CAB39: variants seen among roughly 807,000 people sequenced by gnomAD.
The protein encoded by CAB39 is calcium binding protein 39, also known as calcium-binding protein 39.
CAB39 carries 8 observed loss-of-function variants against 40.0 expected under a neutral mutation model. The observed-to-expected ratio is 0.20, with a 90% CI of 0.12 to 0.36. The LOEUF (loss-of-function observed/expected upper bound fraction) is 0.36, where lower values mean the gene tolerates loss of function less well. Ranked by LOEUF, CAB39 falls within the 10% of genes least tolerant of loss-of-function variation. The probability of loss-of-function intolerance (pLI) is 1.00; values close to 1 mark genes in which losing one functional copy is unlikely to be tolerated. For synonymous variants in CAB39, 156 were observed against 141.6 expected, an observed-to-expected ratio of 1.10 and a Z score of -0.72; for missense variants, 270 against 401.1, an observed-to-expected ratio of 0.67 and a Z score of 2.79.
intron 1 of CAB39, among the ~76,000 whole-genome samples, chr2:230,750,220 T>TA (rs1695061890): frequency 6.6e-6 from 1 of 152,224 alleles, no homozygotes; most frequent in South Asian, 2.1e-4. Flanking sequence ...TGGGAGGAGA[T>TA]ATCTTTAAGA....
At chr2:230,807,133 C>T (rs1456207877) in intron 5 of CAB39, among the ~76,000 whole-genome samples, 2 of 152,266 alleles carry the variant, frequency 1.3e-5, no homozygotes, top group Non-Finnish European at 2.9e-5. Context: ...CTCTGCTGGT[C>T]TGGGGTCACA....
intron 2 of CAB39, among the ~76,000 whole-genome samples, chr2:230,775,449 T>C (rs1310911456): frequency 6.6e-6 from 1 of 152,088 alleles, no homozygotes; most frequent in Non-Finnish European, 1.5e-5. Context: ...TTGACCAGGA[T>C]GGTCTTGATC....
At chr2:230,750,715 A>G (rs977474237) in intron 1 of CAB39, among the ~76,000 whole-genome samples, 3 of 152,246 alleles carry the variant, frequency 2.0e-5, no homozygotes, top group African/African-American at 4.8e-5. Context: ...GTAGGCTTAA[A>G]TAGAACAATA....
intron 5 of CAB39, among the ~76,000 whole-genome samples, chr2:230,809,790 T>C (rs1433148508): frequency 6.6e-6 from 1 of 152,236 alleles, no homozygotes; most frequent in East Asian, 1.9e-4. Flanking sequence ...TGAATGTGAT[T>C]GAACTTAGGA....
At chr2:230,798,962 T>G (rs1488182041) in intron 5 of CAB39, 65 bp downstream of exon 5, 10 of 1,244,628 alleles carry the variant, frequency 8.0e-6, no homozygotes, top group Non-Finnish European at 1.1e-5. Context: ...TTCTAAACCT[T>G]CATTGCCCTC....
chr2:230,776,745 C>T (rs948147975), intron 2 of CAB39, among the ~76,000 whole-genome samples: 1 of 151,864 alleles, frequency 6.6e-6, no homozygotes. Context: ...GGCTGGCATG[C>T]GGTGGCACGA....
intron 1 of CAB39, among the ~76,000 whole-genome samples, chr2:230,724,054 C>A (rs1694504907): frequency 6.6e-6 from 1 of 151,704 alleles, no homozygotes; most frequent in African/African-American, 2.4e-5. Flanking sequence ...TGAGACCAGC[C>A]TGGGCAACAT....
intron 8 of CAB39, 187 bp from the exon 9 acceptor site, chr2:230,818,329 A>G: frequency 1.8e-6 from 1 of 563,048 alleles, no homozygotes; most frequent in South Asian, 2.5e-5. Flanking sequence ...TATTTGTGTT[A>G]AAACATGTAA....
chr2:230,768,541 C>T (rs1015359045), intron 2 of CAB39, among the ~76,000 whole-genome samples: 4 of 152,214 alleles, frequency 2.6e-5, no homozygotes, highest in Middle Eastern at 3.4e-3. Context: ...CAAGTCTAAG[C>T]TGACATTCAT....
chr2:230,736,438 A>G (rs1039895142), intron 1 of CAB39, among the ~76,000 whole-genome samples: 15 of 152,194 alleles, frequency 9.9e-5, no homozygotes, highest in East Asian at 3.8e-4. Context: ...ATAAAAAGCA[A>G]TGGAAAAAGT....
chr2:230,754,527 TC>T (rs1234437469), intron 1 of CAB39, among the ~76,000 whole-genome samples: 1 of 149,232 alleles, frequency 6.7e-6, no homozygotes, highest in Admixed American at 6.7e-5. Context: ...CTCCTCCTCT[TC>T]CCCCCTCCTC....
rs1037685596 is a variant in CAB39 at position 230,818,922 on chromosome 2, C to T, written c.*218C>T. On this transcript the variant is annotated 3_prime_UTR_variant, in exon 9 of 9. Transcript: ENST00000258418. The stretch of plus-strand genomic sequence containing the variant: ...GTGGGCTTTCTCTTGATCTTTGTGT[C>T]ATTTCAGAATTCAAAGACTGTGCTA... 1 of 463,044 alleles carries T rather than the reference C, an allele frequency of 2.2e-6. No homozygotes were observed. The highest frequency in any genetic ancestry group is 3.9e-6 in the Non-Finnish European group (1 of 254,044). 28.7% of individuals were successfully genotyped at this position (463,044 alleles called of 1,614,324 possible). A position where few individuals can be genotyped will look rare whatever the true frequency, so the allele number is the denominator to read the frequency against.
chr2:230,796,284 ATGC>A (rs992017502), intron 4 of CAB39, among the ~76,000 whole-genome samples: 8 of 152,242 alleles, frequency 5.3e-5, no homozygotes, highest in African/African-American at 1.9e-4. Flanking sequence ...TTGCGGGGCC[ATGC>A]TGCTAATACT....
intron 2 of CAB39, among the ~76,000 whole-genome samples, chr2:230,769,435 C>T (rs941563116): frequency 1.3e-5 from 2 of 152,156 alleles, no homozygotes; most frequent in Non-Finnish European, 2.9e-5. Context: ...ATAGAACACT[C>T]AACAACTGTG....
intron 1 of CAB39, chr2:230,713,552 G>C (rs922559079): frequency 6.6e-6 from 1 of 152,418 alleles, no homozygotes; most frequent in African/African-American, 2.4e-5. Flanking sequence ...GGCCGGAGTC[G>C]GGCGGGCGGG....
intron 4 of CAB39, among the ~76,000 whole-genome samples, chr2:230,794,566 A>T: frequency 6.6e-6 from 1 of 152,232 alleles, no homozygotes; most frequent in Middle Eastern, 3.2e-3. Context: ...GTTAAATGGC[A>T]TGTCAAGAAA....
chr2:230,795,843 A>AT (rs376004366), intron 4 of CAB39, among the ~76,000 whole-genome samples: 26 of 149,610 alleles, frequency 1.7e-4, no homozygotes, highest in South Asian at 6.3e-4. Flanking sequence ...ATAATCAGGT[A>AT]TTTTTTTTTT....
In CAB39 at chr2:230,817,268, A is replaced by C. The variant is rs73094801; in HGVS notation, c.694-486A>C. On this transcript the variant is annotated intron_variant, in intron 7 of 8. Coordinates refer to ENST00000258418, the MANE Select transcript of CAB39 (RefSeq NM_016289.4). The stretch of plus-strand genomic sequence containing the variant: ...GCTGTGATAAAACGATAACTGTGGC[A>C]TGTGCAGGGTACACAAATGGAAAAC... Among the ~76,000 whole-genome samples, 948 of 152,322 alleles carry C rather than the reference A, an allele frequency of 6.2e-3. 5 individuals are homozygous for C. The highest frequency in any genetic ancestry group is 0.021 in the African/African-American group (892 of 41,570).
At chr2:230,802,904 T>A (rs1239445462) in intron 5 of CAB39, among the ~76,000 whole-genome samples, 4 of 152,098 alleles carry the variant, frequency 2.6e-5, no homozygotes, top group Admixed American at 2.6e-4. Flanking sequence ...CCTAACTCAT[T>A]TTATGAGGCC....
Sources: gnomAD v4.1 joint callset for allele counts (sites outside exome capture counted in the v4.1 genomes callset) on GRCh38, gnomAD v4.1.1 for gene constraint, MANE v1.5 for transcripts, NCBI Gene and HGNC (gene_info 2026-07-23, HGNC 2026-07-21) for gene names.